Variants in DOCK4 observed in about 807,000 individuals in gnomAD.
DOCK4 encodes dedicator of cytokinesis 4, also known as dedicator of cytokinesis protein 4.
A neutral mutation model predicts 268.1 loss-of-function variants in DOCK4; 97 were observed. That is an observed-to-expected ratio of 0.36 (90% confidence interval 0.31 to 0.43). The LOEUF is 0.43. Among genes scored for constraint, DOCK4 ranks in the 20% least tolerant of loss-of-function variants. The pLI is 1.00. For synonymous variants in DOCK4, 954 were observed against 887.2 expected (o/e 1.08, Z -1.34); for missense variants, 2,145 against 2,455.7 (o/e 0.87, Z 2.67).
At position 112,018,159 on chromosome 7, in the gene DOCK4, A is replaced by C. The variant is rs1431920052; in HGVS notation, c.38-14028T>G. ...ACTCCAGCTCAAAAAAAAAAAAAAA[A>C]AAAAAAAAAAAAAAAAAAAAACACA... On this transcript the variant is annotated intron_variant, in intron 1 of 52. Transcript: ENST00000428084. Among the ~76,000 whole-genome samples, 630 of 138,590 alleles carry C rather than the reference A, an allele frequency of 4.5e-3. 30 individuals are homozygous for C. The highest frequency in any genetic ancestry group is 0.017 in the African/African-American group (601 of 36,290). 90.9% of individuals were successfully genotyped at this position (138,590 alleles called of 152,430 possible). A position where few individuals can be genotyped will look rare whatever the true frequency, so the allele number is the denominator to read the frequency against.
At chr7:111,854,639 C>A (rs1026390305) in intron 23 of DOCK4, among the ~76,000 whole-genome samples, 11 of 152,186 alleles carry the variant, frequency 7.2e-5, no homozygotes, top group African/African-American at 2.4e-4. Flanking sequence ...GCCTTGGCCT[C>A]CCAAAGTGCT....
At chr7:112,191,087 T>G (rs931402086) in intron 1 of DOCK4, among the ~76,000 whole-genome samples, 4 of 152,134 alleles carry the variant, frequency 2.6e-5, no homozygotes, top group Non-Finnish European at 5.9e-5. Context: ...TTTTGTTTAG[T>G]TTATTTGTTT....
intron 1 of DOCK4, among the ~76,000 whole-genome samples, chr7:112,114,298 A>G (rs542992856): frequency 7.9e-5 from 12 of 152,328 alleles, no homozygotes; most frequent in Non-Finnish European, 1.3e-4. Flanking sequence ...ATACAATATA[A>G]AAGTAAAAAG....
chr7:111,953,630 A>G (rs1186641654), intron 8 of DOCK4: 2 of 152,266 alleles, frequency 1.3e-5, no homozygotes, highest in African/African-American at 2.4e-5. Context: ...CTAATTGCCT[A>G]AAGGCAATGC....
intron 10 of DOCK4, among the ~76,000 whole-genome samples, 184 bp downstream of exon 10, chr7:111,944,627 A>G (rs978022512): frequency 1.3e-5 from 2 of 152,206 alleles, no homozygotes; most frequent in African/African-American, 4.8e-5. Flanking sequence ...ATGGTAGGTG[A>G]GGAGGTCATA....
At chr7:111,800,458 A>G (rs1800190961) in intron 30 of DOCK4, among the ~76,000 whole-genome samples, 1 of 152,208 alleles carries the variant, frequency 6.6e-6, no homozygotes, top group Non-Finnish European at 1.5e-5. Flanking sequence ...CAAGGGGGAA[A>G]TATATGCTTT....
chr7:111,983,906 A>AT (rs1051583079), intron 7 of DOCK4, among the ~76,000 whole-genome samples: 5 of 148,798 alleles, frequency 3.4e-5, no homozygotes, highest in African/African-American at 1.2e-4. Context: ...TATAGAGCTA[A>AT]TGGGGGCAGG....
intron 1 of DOCK4, among the ~76,000 whole-genome samples, chr7:112,063,028 C>T (rs1048640703): frequency 2.0e-5 from 3 of 152,114 alleles, no homozygotes; most frequent in African/African-American, 7.2e-5. Flanking sequence ...TGTGTATCTA[C>T]ACACAGTTGC....
At chr7:111,975,627 G>A (rs1379022600) in intron 8 of DOCK4, among the ~76,000 whole-genome samples, 2 of 152,086 alleles carry the variant, frequency 1.3e-5, no homozygotes, top group Non-Finnish European at 2.9e-5. Context: ...TATTACCACT[G>A]TTATTTCCAC....
intron 27 of DOCK4, among the ~76,000 whole-genome samples, chr7:111,814,817 T>C (rs1196105864): frequency 6.6e-6 from 1 of 152,184 alleles, no homozygotes; most frequent in African/African-American, 2.4e-5. Flanking sequence ...GCACAGGGCA[T>C]TGGGCCTGTG....
At chr7:112,103,226 GT>G (rs747939132) in intron 1 of DOCK4, among the ~76,000 whole-genome samples, 11 of 150,588 alleles carry the variant, frequency 7.3e-5, no homozygotes, top group African/African-American at 2.7e-4. Flanking sequence ...TCACTTTTAT[GT>G]TTTTTTTTCA....
intron 11 of DOCK4, among the ~76,000 whole-genome samples, chr7:111,938,156 A>G (rs189375093): frequency 3.3e-5 from 5 of 152,248 alleles, no homozygotes; most frequent in African/African-American, 1.2e-4. Flanking sequence ...TTCAAGTTTA[A>G]CATCAACATC....
In DOCK4 at chr7:112,206,371, A is replaced by T. The variant is rs190329571; in HGVS notation, c.-233T>A. On this transcript the variant is annotated 5_prime_UTR_variant, in exon 1 of 53. Coordinates refer to ENST00000428084, the MANE Select transcript of DOCK4 (RefSeq NM_001363540.2). ...ACAGTCCTCCGACGCGCTCCCGGGT[A>T]CCCGGCGGCGCAGTCATTGTTCTGA... The T allele has an allele frequency of 3.1e-3, 1,833 of 583,768 alleles. 22 individuals carry two copies. Among genetic ancestry groups the T allele is most frequent in the African/African-American group, 0.031 (1,597 of 51,298 alleles). 36.2% of individuals were successfully genotyped at this position (583,768 alleles called of 1,614,324 possible).
intron 17 of DOCK4, among the ~76,000 whole-genome samples, chr7:111,873,614 G>A (rs1200735379): frequency 6.6e-6 from 1 of 152,084 alleles, no homozygotes; most frequent in Non-Finnish European, 1.5e-5. Context: ...AAGATGATGA[G>A]GGAACAAAAA....
chr7:112,194,715 G>C (rs1820265003), intron 1 of DOCK4, among the ~76,000 whole-genome samples: 1 of 152,134 alleles, frequency 6.6e-6, no homozygotes, highest in Non-Finnish European at 1.5e-5. Context: ...TTACTAGAAA[G>C]TATGAAATTA....
intron 52 of DOCK4, 84 bp from the exon 53 acceptor site, chr7:111,728,804 A>G: frequency 7.3e-7 from 1 of 1,366,954 alleles, no homozygotes. Context: ...CCCGACGCGG[A>G]GGCCCCGGCC....
Position 111,791,070 on chromosome 7 carries a change from TTATATATA to T in DOCK4, c.3167-473_3167-466del, listed in dbSNP as rs35033313. Reference sequence around the variant, plus strand: ...AAGACTCTGTCTCAAAAAAAAAAAATTATATATATATATATATATATATATATATAAAA... The same window carrying T: ...AAGACTCTGTCTCAAAAAAAAAAAATTATATATATATATATATATATAAAA... On this transcript the variant is annotated intron_variant, in intron 30 of 52. Transcript: ENST00000428084. Among the ~76,000 whole-genome samples the T allele has an allele frequency of 8.9e-4, 85 of 95,442 alleles. 2 individuals carry two copies. The Middle Eastern group carries it at 0.017, about 19-fold the overall frequency. The allele number at this position is 95,442 out of a possible 152,430, so 62.6% of individuals were successfully genotyped here. A position where few individuals can be genotyped will look rare whatever the true frequency, so the allele number is the denominator to read the frequency against.
chr7:111,924,719 C>A (rs1487576231), intron 12 of DOCK4, among the ~76,000 whole-genome samples: 1 of 152,078 alleles, frequency 6.6e-6, no homozygotes, highest in Non-Finnish European at 1.5e-5. Context: ...AGTTCAAGAC[C>A]AACCTGGCCA....
chr7:112,060,860 G>C (rs979150840), intron 1 of DOCK4, among the ~76,000 whole-genome samples: 1 of 152,168 alleles, frequency 6.6e-6, no homozygotes, highest in East Asian at 1.9e-4. Flanking sequence ...TTTCAGTTTT[G>C]CATGATGAAA....
Sources: gnomAD v4.1 joint callset for allele counts (sites outside exome capture counted in the v4.1 genomes callset) on GRCh38, gnomAD v4.1.1 for gene constraint, MANE v1.5 for transcripts, NCBI Gene and HGNC (gene_info 2026-07-23, HGNC 2026-07-21) for gene names.